Variants in SCG5 observed in about 807,000 individuals in gnomAD.
SCG5 encodes neuroendocrine protein 7B2.
Under a neutral mutation model 25.7 loss-of-function variants are expected in SCG5, and 18 were observed. That is an observed-to-expected ratio of 0.70 (90% CI 0.48 to 1.04). SCG5 has a LOEUF of 1.04. Among genes scored for constraint, SCG5 ranks in the 50% least tolerant of loss-of-function variants. The probability of loss-of-function intolerance (pLI) is 0.00; values close to 1 mark genes in which losing one functional copy is unlikely to be tolerated. For missense variants in SCG5, 206 were observed against 259.8 expected (o/e 0.79, Z 1.42); for synonymous variants, 101 against 91.7 (o/e 1.10, Z -0.58).
chr15:32,642,108 G>A (rs560089283), intron 1 of SCG5, among the ~76,000 whole-genome samples: 66 of 152,222 alleles, frequency 4.3e-4, no homozygotes, highest in African/African-American at 1.5e-3. Context: ...GCTACTCTCA[G>A]CTCTTTGGAG....
intron 2 of SCG5, among the ~76,000 whole-genome samples, chr15:32,660,611 T>A (rs2054200386): frequency 6.6e-6 from 1 of 152,234 alleles, no homozygotes; most frequent in African/African-American, 2.4e-5. Context: ...GTCATTCACA[T>A]GTAGCTTTGG....
chr15:32,648,794 C>CA (rs1165979673), intron 2 of SCG5, among the ~76,000 whole-genome samples: 1 of 134,926 alleles, frequency 7.4e-6, no homozygotes, highest in Non-Finnish European at 1.6e-5. Context: ...AAAAAAAAAA[C>CA]AGAGTCTCAC....
At chr15:32,690,321 A>G (rs761383335) in intron 4 of SCG5, among the ~76,000 whole-genome samples, 2 of 152,116 alleles carry the variant, frequency 1.3e-5, no homozygotes, top group Non-Finnish European at 2.9e-5. Context: ...CATGAAGAAG[A>G]CATGTCCTCA....
At chr15:32,682,430 G>T (rs1323419495) in intron 3 of SCG5, among the ~76,000 whole-genome samples, 1 of 152,178 alleles carries the variant, frequency 6.6e-6, no homozygotes, top group African/African-American at 2.4e-5. Context: ...CATAGGCAAT[G>T]CCTCCAAAGA....
intron 5 of SCG5, among the ~76,000 whole-genome samples, chr15:32,695,651 C>T (rs2054944401): frequency 6.6e-6 from 1 of 152,036 alleles, no homozygotes; most frequent in African/African-American, 2.4e-5. Flanking sequence ...AATGAATTCT[C>T]CTTAGTAAAA....
intron 2 of SCG5, among the ~76,000 whole-genome samples, chr15:32,651,185 C>T (rs146347408): frequency 3.9e-5 from 6 of 152,200 alleles, no homozygotes; most frequent in African/African-American, 9.6e-5. Flanking sequence ...GCAACAAGAG[C>T]GAAACTCTGT....
At chr15:32,690,340 C>T (rs766950858) in intron 4 of SCG5, among the ~76,000 whole-genome samples, 3 of 152,214 alleles carry the variant, frequency 2.0e-5, no homozygotes, top group Admixed American at 6.5e-5. Context: ...CACCCCTTCC[C>T]GGCCTTCCCA....
chr15:32,669,218 G>A (rs1334517789), intron 2 of SCG5: 1 of 152,240 alleles, frequency 6.6e-6, no homozygotes, highest in Non-Finnish European at 1.5e-5. Context: ...ATGTCATTGA[G>A]AACAGAGAGG....
At chr15:32,657,133 G>A (rs746243554) in intron 2 of SCG5, among the ~76,000 whole-genome samples, 2 of 135,912 alleles carry the variant, frequency 1.5e-5, no homozygotes, top group Non-Finnish European at 3.2e-5. Context: ...ATTTTGGAAA[G>A]TATAAAATGG....
intron 2 of SCG5, among the ~76,000 whole-genome samples, chr15:32,645,043 G>A (rs72715243): frequency 0.055 from 8,439 of 152,246 alleles, 326 homozygotes; most frequent in Non-Finnish European, 0.082. Flanking sequence ...GCGTTGAATC[G>A]GCAAGCATGC....
At chr15:32,675,644 A>G (rs921819854) in intron 2 of SCG5, among the ~76,000 whole-genome samples, 1 of 152,212 alleles carries the variant, frequency 6.6e-6, no homozygotes, top group Admixed American at 6.5e-5. Context: ...TAACGTAATT[A>G]TTGCTACACA....
Position 32,655,135 on chromosome 15 carries a change from C to T in SCG5, c.226+11317C>T, listed in dbSNP as rs189302733. ...CATCCTGGCTAACACGGTGAAACCCCGTCTCTACTAACAATACAAAAAATT... is the reference window on the plus strand; with the variant it reads ...CATCCTGGCTAACACGGTGAAACCCTGTCTCTACTAACAATACAAAAAATT... On this transcript the variant is annotated intron_variant, in intron 2 of 5. Coordinates refer to ENST00000300175, the MANE Select transcript of SCG5 (RefSeq NM_001144757.3). 2.7e-3 allele frequency among the ~76,000 whole-genome samples: 408 copies of T among 152,154 alleles called. 1 individual carries two copies. The highest frequency in any genetic ancestry group is 8.8e-3 in the African/African-American group (365 of 41,510).
chr15:32,664,725 C>A (rs1319490091), intron 2 of SCG5, among the ~76,000 whole-genome samples: 3 of 152,180 alleles, frequency 2.0e-5, no homozygotes, highest in Non-Finnish European at 2.9e-5. Flanking sequence ...CTAGGTTCTT[C>A]TGTTTGTATA....
intron 4 of SCG5, among the ~76,000 whole-genome samples, chr15:32,690,130 G>A (rs1191907073): frequency 1.3e-5 from 2 of 152,152 alleles, no homozygotes; most frequent in African/African-American, 4.8e-5. Flanking sequence ...CTTTTTGAAT[G>A]AAGACTCTTA....
At chr15:32,694,841 A>G (rs2054926204) in intron 5 of SCG5, among the ~76,000 whole-genome samples, 1 of 152,146 alleles carries the variant, frequency 6.6e-6, no homozygotes, top group Non-Finnish European at 1.5e-5. Flanking sequence ...TAAATGCTAA[A>G]CTCAGGTTTC....
rs149104111 is a variant in SCG5 at position 32,678,230 on chromosome 15, G to A, written c.227-1536G>A. On this transcript the variant is annotated intron_variant, in intron 2 of 5. Coordinates refer to ENST00000300175, the MANE Select transcript of SCG5 (RefSeq NM_001144757.3). Reference sequence around the variant, plus strand: ...ATCTGACTACATAAATATTAAAAACGTATGTTAGCAAAATACTATAATAGT... The same window carrying A: ...ATCTGACTACATAAATATTAAAAACATATGTTAGCAAAATACTATAATAGT... 1.0e-3 allele frequency among the ~76,000 whole-genome samples: 152 copies of A among 152,274 alleles called. 1 individual carries two copies. In the East Asian group the frequency reaches 0.026, roughly 26 times the overall value.
intron 5 of SCG5, among the ~76,000 whole-genome samples, chr15:32,694,069 C>G (rs931804203): frequency 2.6e-5 from 4 of 152,122 alleles, no homozygotes; most frequent in Admixed American, 6.5e-5. Context: ...GAGATCATAC[C>G]ACTGCACTCC....
intron 3 of SCG5, among the ~76,000 whole-genome samples, chr15:32,684,170 A>G (rs1375386768): frequency 6.6e-6 from 1 of 152,056 alleles, no homozygotes; most frequent in African/African-American, 2.4e-5. Context: ...ATGGTATGAG[A>G]GGTTTTTATG....
At chr15:32,655,492 C>A (rs887464011) in intron 2 of SCG5, among the ~76,000 whole-genome samples, 1 of 152,116 alleles carries the variant, frequency 6.6e-6, no homozygotes, top group Admixed American at 6.5e-5. Flanking sequence ...GGTGGGTGCC[C>A]CCAAGCTATG....
Sources: gnomAD v4.1 joint callset for allele counts (sites outside exome capture counted in the v4.1 genomes callset) on GRCh38, gnomAD v4.1.1 for gene constraint, MANE v1.5 for transcripts, NCBI Gene and HGNC (gene_info 2026-07-23, HGNC 2026-07-21) for gene names.